Variants in LARGE1 observed in about 807,000 individuals in gnomAD.
LARGE1 encodes the protein xylosyl- and glucuronyltransferase LARGE1.
Under a neutral mutation model 87.6 loss-of-function variants are expected in LARGE1, and 43 were observed. The observed-to-expected ratio is 0.49, with a 90% confidence interval of 0.38 to 0.63. The LOEUF (loss-of-function observed/expected upper bound fraction) is 0.63. Among genes scored for constraint, LARGE1 ranks in the 30% least tolerant of loss-of-function variants. LARGE1 has a pLI of 0.00. For synonymous variants in LARGE1, 434 were observed against 394.6 expected (o/e 1.10, Z -1.18); for missense variants, 802 against 1,000.2 (o/e 0.80, Z 2.67).
chr22:33,664,941 A>G (rs2081226534), intron 2 of LARGE1, among the ~76,000 whole-genome samples: 1 of 152,142 alleles, frequency 6.6e-6, no homozygotes, highest in African/African-American at 2.4e-5. Context: ...AGGGCTTTGA[A>G]CCTGCCTTCC....
At chr22:33,646,970 C>A (rs2080637343) in intron 3 of LARGE1, among the ~76,000 whole-genome samples, 1 of 152,220 alleles carries the variant, frequency 6.6e-6, no homozygotes, top group Non-Finnish European at 1.5e-5. Context: ...CTCAGGTGAT[C>A]CACCCGCCTT....
the LARGE1 span, among the ~76,000 whole-genome samples, chr22:33,098,224 C>T: frequency 1.3e-5 from 2 of 152,126 alleles, no homozygotes; most frequent in African/African-American, 4.8e-5. Flanking sequence ...GGGAGGATCA[C>T]TTGAGGCTTG....
chr22:33,646,049 T>G (rs2080602248), intron 3 of LARGE1, among the ~76,000 whole-genome samples: 1 of 152,190 alleles, frequency 6.6e-6, no homozygotes, highest in African/African-American at 2.4e-5. Context: ...CTCAAGGATC[T>G]AGAACCAGAA....
intron 10 of LARGE1, among the ~76,000 whole-genome samples, chr22:33,323,392 T>C (rs1411154464): frequency 6.6e-6 from 1 of 152,230 alleles, no homozygotes; most frequent in Non-Finnish European, 1.5e-5. Flanking sequence ...AGCACACATA[T>C]CTGTTGTACA....
At chr22:33,539,734 C>CACCA (rs533457837) in intron 6 of LARGE1, among the ~76,000 whole-genome samples, 84,298 of 151,562 alleles carry the variant, frequency 0.56, 23,816 homozygotes, top group Admixed American at 0.65. Flanking sequence ...GGGACCACAC[C>CACCA]CACCTGGCTA....
At chr22:33,611,305 G>T (rs2079422518) in intron 4 of LARGE1, among the ~76,000 whole-genome samples, 1 of 152,248 alleles carries the variant, frequency 6.6e-6, no homozygotes, top group Admixed American at 6.5e-5. Flanking sequence ...CAGCTGCAGG[G>T]GCTGTACACT....
intron 6 of LARGE1, among the ~76,000 whole-genome samples, chr22:33,458,466 T>C (rs1332802639): frequency 7.0e-6 from 1 of 142,892 alleles, no homozygotes; most frequent in Non-Finnish European, 1.5e-5. Context: ...AGTTTTGCTC[T>C]TGTTGCTCAG....
chr22:33,597,630 C>G (rs1265771677), intron 5 of LARGE1, among the ~76,000 whole-genome samples: 2 of 152,224 alleles, frequency 1.3e-5, no homozygotes, highest in Non-Finnish European at 2.9e-5. Flanking sequence ...CTCACTTCAT[C>G]ATCTTTCTGA....
chr22:33,286,906 G>A (rs1931650529), intron 12 of LARGE1, among the ~76,000 whole-genome samples: 1 of 152,186 alleles, frequency 6.6e-6, no homozygotes, highest in African/African-American at 2.4e-5. Flanking sequence ...ATAGAAGCAA[G>A]CTCTCAGAGC....
intron 1 of LARGE1, among the ~76,000 whole-genome samples, chr22:33,783,521 T>C (rs1043382493): frequency 6.6e-6 from 1 of 152,078 alleles, no homozygotes; most frequent in Admixed American, 6.5e-5. Context: ...GCTGAGATCA[T>C]GCCATTTCAC....
At chr22:33,796,476 T>A (rs558742382) in intron 1 of LARGE1, among the ~76,000 whole-genome samples, 24 of 152,092 alleles carry the variant, frequency 1.6e-4, no homozygotes, top group African/African-American at 5.5e-4. Context: ...AGACTCAAAT[T>A]CCCAGGGAAA....
At chr22:33,701,939 G>T (rs1339457448) in intron 2 of LARGE1, among the ~76,000 whole-genome samples, 1 of 152,090 alleles carries the variant, frequency 6.6e-6, no homozygotes, top group African/African-American at 2.4e-5. Flanking sequence ...TGTGCTCATG[G>T]GTGTCTGAAT....
At chr22:33,485,035 CTGAGTAGCT>C (rs2069508232) in intron 6 of LARGE1, among the ~76,000 whole-genome samples, 1 of 151,274 alleles carries the variant, frequency 6.6e-6, no homozygotes, top group African/African-American at 2.4e-5. Context: ...CCTCAGCCTC[CTGAGTAGCT>C]GGGATTACAG....
chr22:33,916,213 G>A (rs192971163), intron 1 of LARGE1, among the ~76,000 whole-genome samples: 4 of 151,960 alleles, frequency 2.6e-5, no homozygotes, highest in East Asian at 1.9e-4. Flanking sequence ...CCCGGGAGGC[G>A]GAGGTTGCAG....
chr22:33,462,866 A>AG (rs2068436623), intron 6 of LARGE1, among the ~76,000 whole-genome samples: 1 of 152,202 alleles, frequency 6.6e-6, no homozygotes, highest in Admixed American at 6.5e-5. Flanking sequence ...AAATAGAACA[A>AG]GCAAACTTTT....
At chr22:33,069,064 CAG>C in the LARGE1 span, among the ~76,000 whole-genome samples, 1 of 152,172 alleles carries the variant, frequency 6.6e-6, no homozygotes, top group African/African-American at 2.4e-5. Flanking sequence ...TTGGATCTCC[CAG>C]TCTTAGTCTA....
At chr22:33,306,613 C>T (rs570397085) in intron 11 of LARGE1, among the ~76,000 whole-genome samples, 46 of 152,264 alleles carry the variant, frequency 3.0e-4, no homozygotes, top group African/African-American at 9.9e-4. Flanking sequence ...TGGCTCATGC[C>T]TGTAATCCCA....
At chr22:33,810,070 T>A (rs895954336) in intron 1 of LARGE1, among the ~76,000 whole-genome samples, 7 of 152,064 alleles carry the variant, frequency 4.6e-5, no homozygotes, top group African/African-American at 7.2e-5. Context: ...AGACACCAGA[T>A]CTCTCACTCT....
intron 11 of LARGE1, among the ~76,000 whole-genome samples, chr22:33,264,593 A>C (rs899347744): frequency 2.6e-5 from 4 of 152,180 alleles, no homozygotes; most frequent in Non-Finnish European, 5.9e-5. Flanking sequence ...CGGGAGGTGG[A>C]GGTTGCAGTG....
Sources: allele counts gnomAD v4.1 joint callset (sites outside exome capture counted in the v4.1 genomes callset), GRCh38; gene constraint gnomAD v4.1.1; transcripts MANE v1.5; gene names NCBI Gene and HGNC (gene_info 2026-07-23, HGNC 2026-07-21).